ACAP1: variants seen among roughly 807,000 people sequenced by gnomAD.
ACAP1 encodes ArfGAP with coiled-coil, ankyrin repeat and PH domains 1, also known as arf-GAP with coiled-coil, ANK repeat and PH domain-containing protein 1.
ACAP1 carries 45 observed loss-of-function variants against 98.8 expected under a neutral mutation model. The observed-to-expected ratio is 0.46, with a 90% confidence interval of 0.36 to 0.58. The LOEUF is 0.58. Ranked by LOEUF, ACAP1 falls within the 20% of genes least tolerant of loss-of-function variation. The pLI, the probability that ACAP1 is intolerant of heterozygous loss-of-function variation, is 0.00. For missense variants in ACAP1, 735 were observed against 971.4 expected, an observed-to-expected ratio of 0.76 and a Z score of 3.24; for synonymous variants, 362 against 375.3, an observed-to-expected ratio of 0.96 and a Z score of 0.41.
chr17:7,337,827 C>G (rs1226833522), intron 2 of ACAP1, among the ~76,000 whole-genome samples: 1 of 151,998 alleles, frequency 6.6e-6, no homozygotes, highest in Non-Finnish European at 1.5e-5. Context: ...GCACTCCAGG[C>G]TAGGCGACAG....
chr17:7,349,277 A>AAG, intron 18 of ACAP1, 110 bp downstream of exon 18: 9 of 1,196,510 alleles, frequency 7.5e-6, no homozygotes, highest in Non-Finnish European at 1.0e-5. Flanking sequence ...TAGGGCTTCC[A>AAG]CCCATAGGGA....
In ACAP1 at chr17:7,343,694, T is replaced by C. The variant is rs1428429209; in HGVS notation, c.529-12T>C. 6.2e-7 allele frequency: 1 copy of C among 1,613,204 alleles called. No homozygotes were observed. ...GATCTGGGGTTTTTTACGTCCTCTT[T>C]TACGTCCTCAGATCAACGTGATTGA... On this transcript the variant is annotated splice_polypyrimidine_tract_variant and intron_variant, in intron 6 of 21. Coordinates refer to ENST00000158762, the MANE Select transcript of ACAP1 (RefSeq NM_014716.4). The surrounding 1 kb of genome is among the most constrained non-coding windows in gnomAD (Gnocchi z 4.9).
At position 7,349,139 on chromosome 17, in the gene ACAP1, C is replaced by T; in HGVS notation, c.1823C>T (p.Ala608Val). The T allele has an allele frequency of 6.2e-7, 1 of 1,613,990 alleles. No individual in the cohort carries two copies. The highest frequency in any genetic ancestry group is 2.2e-5 in the East Asian group (1 of 44,864). Residue 608 changes from alanine (A) to valine (V), a missense_variant, in exon 18 of 22, where the codon GCC (alanine) becomes GTC (valine). Coordinates refer to ENST00000158762, the MANE Select transcript of ACAP1 (RefSeq NM_014716.4). ...TGGGTCAATGGGGGCCAAGATAATGCCACACCGCTGATCCAGGCCACAGCT... is the reference window on the plus strand; with the variant it reads ...TGGGTCAATGGGGGCCAAGATAATGTCACACCGCTGATCCAGGCCACAGCT... ...VNWVNGGQDN[A>V]TPLIQATAAN...
intron 2 of ACAP1, among the ~76,000 whole-genome samples, chr17:7,339,541 C>T (rs970438531): frequency 3.3e-5 from 5 of 151,898 alleles, no homozygotes; most frequent in South Asian, 2.1e-4. Context: ...ACCCAGGAGG[C>T]GGAGGTTGCA....
intron 2 of ACAP1, among the ~76,000 whole-genome samples, chr17:7,340,574 G>A (rs2073266084): frequency 6.6e-6 from 1 of 152,218 alleles, no homozygotes; most frequent in Non-Finnish European, 1.5e-5. Flanking sequence ...GCCAGGTGCA[G>A]TGGCTCATGC....
Position 7,348,071 on chromosome 17 carries a change from G to A in ACAP1, c.1414-56G>A, listed in dbSNP as rs1302924845. 8 of 1,610,230 alleles carry A rather than the reference G, an allele frequency of 5.0e-6. No individual in the cohort carries two copies. In the Admixed American group the frequency reaches 5.0e-5, roughly 10 times the overall value. ...ATGGCGGTGCAGGGGCGTGATCCCTGAGGAGTCACTCACCCCCACCTTCCC... is the reference window on the plus strand; with the variant it reads ...ATGGCGGTGCAGGGGCGTGATCCCTAAGGAGTCACTCACCCCCACCTTCCC... On this transcript the variant is annotated intron_variant, in intron 15 of 21. Coordinates refer to ENST00000158762, the MANE Select transcript of ACAP1 (RefSeq NM_014716.4).
At position 7,348,985 on chromosome 17, in the gene ACAP1, C is replaced by A; in HGVS notation, c.1679-10C>A. 2 of 1,611,570 alleles carry A rather than the reference C, an allele frequency of 1.2e-6. No individual in the cohort carries two copies. The highest frequency in any genetic ancestry group is 1.7e-6 in the Non-Finnish European group (2 of 1,179,402). ...TGCTTCCCCCTAACAGAACCAAATC[C>A]CCCGAACAGAGCCCCCCTCTGAGGA... is the stretch of plus-strand genomic sequence containing the variant. On this transcript the variant is annotated splice_polypyrimidine_tract_variant and intron_variant, in intron 17 of 21. Transcript: ENST00000158762.
rs1482729252 is a variant in ACAP1, at chr17:7,336,709, GC to G, written c.-25del. On this transcript the variant is annotated 5_prime_UTR_variant, in exon 1 of 22. Transcript: ENST00000158762. ...CCCAGGGGCCCGGCCTCCAGGGCCCGCTGGCCCCACAGCAGGCAAGCTGAGA... is the reference window on the plus strand; with the variant it reads ...CCCAGGGGCCCGGCCTCCAGGGCCCGTGGCCCCACAGCAGGCAAGCTGAGA... 3.1e-6 allele frequency: 5 copies of G among 1,613,382 alleles called. No individual in the cohort carries two copies. The highest frequency in any genetic ancestry group is 4.2e-6 in the Non-Finnish European group (5 of 1,179,644).
At chr17:7,346,664 TAGG>T in intron 12 of ACAP1, 141 bp from the exon 13 acceptor site, 1 of 1,154,638 alleles carries the variant, frequency 8.7e-7, no homozygotes, top group Non-Finnish European at 1.2e-6. Flanking sequence ...GGGGGATATT[TAGG>T]AGAATATTAC....
chr17:7,338,003 A>G (rs1429659935), intron 2 of ACAP1, among the ~76,000 whole-genome samples: 3 of 152,180 alleles, frequency 2.0e-5, no homozygotes, highest in Non-Finnish European at 2.9e-5. Context: ...AAACGTTTCA[A>G]TTCAAGACAG....
rs759166083 is a variant in ACAP1 at position 7,347,213 on chromosome 17, C to T, written c.1314C>T (p.Thr438=). The T allele has an allele frequency of 6.2e-7, 1 of 1,613,652 alleles. No individual in the cohort carries two copies. Among genetic ancestry groups the T allele is most frequent in the Non-Finnish European group, 8.5e-7 (1 of 1,179,740 alleles). ...GGGCCAGCATCAACCTTGGTGTCAC[C>T]CTCTGCATTCAGTGTTCCGGCATCC... ...PEWASINLGV[T]LCIQCSGIHR... Residue 438 remains threonine (T), a synonymous_variant, in exon 14 of 22, where the codon ACC becomes ACT. Transcript: ENST00000158762.
chr17:7,343,884 G>C lies in ACAP1; in HGVS notation c.597G>C (p.Gln199His). The change falls in exon 8 of 22, where the codon CAG becomes CAC. Residue 199 changes from glutamine (Q) to histidine (H), a missense_variant. Gln to His is a conservative substitution (Grantham distance 24). Transcript: ENST00000158762. This position sits in a 1 kb window ranked among gnomAD's most constrained non-coding sequence, Gnocchi z 4.9. ...MEFVLRLVEA[Q>H]ATHFQQGHEE... ...AGGTGCTGCGTTTGGTGGAGGCCCAGGCTACCCATTTCCAGCAGGGCCATG... is the reference window on the plus strand; with the variant it reads ...AGGTGCTGCGTTTGGTGGAGGCCCACGCTACCCATTTCCAGCAGGGCCATG... 1 of 1,613,430 alleles carries C rather than the reference G, an allele frequency of 6.2e-7. No homozygotes were observed. Among genetic ancestry groups the C allele is most frequent in the Non-Finnish European group, 8.5e-7 (1 of 1,179,684 alleles).
Position 7,347,065 on chromosome 17 carries a change from C to A in ACAP1, c.1166C>A (p.Thr389Asn), listed in dbSNP as rs762311586. Reference sequence around the variant, plus strand: ...CACCTGGCCATAGGCTCTGCTGCCACCCTGGGCTCTGGTGGAATGGCCAGG... The same window carrying A: ...CACCTGGCCATAGGCTCTGCTGCCAACCTGGGCTCTGGTGGAATGGCCAGG... ...SGHLAIGSAA[T>N]LGSGGMARGR... The change falls in exon 14 of 22, where the codon ACC (threonine) becomes AAC (asparagine). Residue 389 changes from threonine to asparagine, a missense_variant. Physicochemically the swap from Thr to Asn is moderately conservative, Grantham distance 65 (BLOSUM62 0). Transcript: ENST00000158762. 1.2e-6 allele frequency: 2 copies of A among 1,608,890 alleles called. No individual in the cohort carries two copies. Among genetic ancestry groups the A allele is most frequent in the South Asian group, 1.1e-5 (1 of 90,526 alleles).
rs370677984 is a variant in ACAP1 at position 7,342,356 on chromosome 17, G to C, written c.285+28G>C. ...AAGTAGGGGAAGGTAAGGATTGTCGGGGTGGTGGCCAGGTCACCTGTGGTC... is the reference window on the plus strand; with the variant it reads ...AAGTAGGGGAAGGTAAGGATTGTCGCGGTGGTGGCCAGGTCACCTGTGGTC... On this transcript the variant is annotated intron_variant, in intron 4 of 21. Transcript: ENST00000158762. 4 of 1,614,128 alleles carry C rather than the reference G, an allele frequency of 2.5e-6. No individual in the cohort carries two copies. In the South Asian group the frequency reaches 4.4e-5, roughly 18 times the overall value.
At position 7,349,013 on chromosome 17, in the gene ACAP1, T is replaced by A. The variant is rs1201203093; in HGVS notation, c.1697T>A (p.Leu566Gln). 1 of 1,613,328 alleles carries A rather than the reference T, an allele frequency of 6.2e-7. No individual in the cohort carries two copies. The highest frequency in any genetic ancestry group is 8.5e-7 in the Non-Finnish European group (1 of 1,179,910). Reference protein sequence around the residue: ...RSKPEPPSEDLGSLHPGALLF... With the variant: ...RSKPEPPSEDQGSLHPGALLF... ...CGAACAGAGCCCCCCTCTGAGGACC[T>A]GGGAAGCCTGCACCCTGGGGCCCTA... Residue 566 changes from leucine (L) to glutamine (Q), a missense_variant, in exon 18 of 22, where the codon CTG becomes CAG. Around this residue, in one of 5 missense-constraint regions of ACAP1, gnomAD observed 80 missense variants for 64.4 expected, o/e 1.24. Coordinates refer to ENST00000158762, the MANE Select transcript of ACAP1 (RefSeq NM_014716.4).
chr17:7,349,078 A>G lies in ACAP1; in HGVS notation c.1762A>G (p.Met588Val). ...TGGGCATCCTCCATCTCTTCCCACC[A>G]TGGCTGATGCCCTTGCCCATGGAGC... ...ASGHPPSLPT[M>V]ADALAHGADV... Residue 588 changes from methionine (M) to valine (V), a missense_variant, in exon 18 of 22, where the codon ATG becomes GTG. Transcript: ENST00000158762. 4 of 1,613,894 alleles carry G rather than the reference A, an allele frequency of 2.5e-6. No homozygotes were observed. The highest frequency in any genetic ancestry group is 3.4e-6 in the Non-Finnish European group (4 of 1,179,966).
Position 7,337,381 on chromosome 17 carries a change from A to G in ACAP1, c.111+12A>G, listed in dbSNP as rs776897114. 4 of 1,613,796 alleles carry G rather than the reference A, an allele frequency of 2.5e-6. No homozygotes were observed. Among genetic ancestry groups the G allele is most frequent in the Non-Finnish European group, 2.5e-6 (3 of 1,179,688 alleles). Reference sequence around the variant, plus strand: ...CCCGTCTGGAAAAGGTGACCCTGACATGGAGAGGTGACCCAGGAGTGGATT... The same window carrying G: ...CCCGTCTGGAAAAGGTGACCCTGACGTGGAGAGGTGACCCAGGAGTGGATT... On this transcript the variant is annotated intron_variant, in intron 2 of 21. Coordinates refer to ENST00000158762, the MANE Select transcript of ACAP1 (RefSeq NM_014716.4).
chr17:7,346,927 G>T lies in ACAP1; in HGVS notation c.1127G>T (p.Gly376Val). 6.2e-7 allele frequency: 1 copy of T among 1,610,330 alleles called. No individual in the cohort carries two copies. Among genetic ancestry groups the T allele is most frequent in the South Asian group, 1.1e-5 (1 of 90,958 alleles). ...CTTGATGACAGCCCCCGGGGTCCAG[G>T]CCAGGTACCTTAACCTGGGGGTGCG... ...ARLDDSPRGPGQGSGHLAIGS... is the reference protein window; with the variant it reads ...ARLDDSPRGPVQGSGHLAIGS... The change falls in exon 13 of 22, where the codon GGC (glycine) becomes GTC (valine). Residue 376 changes from glycine to valine, a missense_variant. Physicochemically the swap from Gly to Val is moderately radical, Grantham distance 109. Around this residue, in one of 5 missense-constraint regions of ACAP1, gnomAD observed 430 missense variants for 531.8 expected, o/e 0.81. Transcript: ENST00000158762.
chr17:7,344,506 C>A lies in ACAP1; in HGVS notation c.745-33C>A. 6.7e-7 allele frequency: 1 copy of A among 1,493,328 alleles called. No homozygotes were observed. The highest frequency in any genetic ancestry group is 9.1e-7 in the Non-Finnish European group (1 of 1,095,152). 92.5% of individuals were successfully genotyped at this position (1,493,328 alleles called of 1,614,324 possible). On this transcript the variant is annotated intron_variant, in intron 9 of 21. Transcript: ENST00000158762. This position sits in a 1 kb window ranked among gnomAD's most constrained non-coding sequence, Gnocchi z 4.9. The stretch of plus-strand genomic sequence containing the variant: ...GCCTATGGCCTTGGTGTCTGCCCAT[C>A]TCAGTTGCCCTTTGATCCTCTTGTG...
Sources: gnomAD v4.1 joint callset for allele counts (sites outside exome capture counted in the v4.1 genomes callset) on GRCh38, gnomAD v4.1.1 for gene constraint, gnomAD v4.1.1 regional missense constraint, Gnocchi (gnomAD v3.1) non-coding constraint, MANE v1.5 for transcripts, NCBI Gene and HGNC (gene_info 2026-07-23, HGNC 2026-07-21) for gene names.